Variants in LANCL2 observed in about 807,000 individuals in gnomAD.
LANCL2 encodes the protein lanC-like protein 2.
A neutral mutation model predicts 56.9 loss-of-function variants in LANCL2; 33 were observed. The ratio of observed to expected loss-of-function variants is 0.58; its 90% CI spans 0.44 to 0.78. LANCL2 has a LOEUF of 0.78. Ranked by LOEUF, LANCL2 falls within the 30% of genes least tolerant of loss-of-function variation. LANCL2 has a pLI of 0.00. For synonymous variants in LANCL2, 233 were observed against 228.2 expected (o/e 1.02, Z -0.19); for missense variants, 562 against 580.2 (o/e 0.97, Z 0.32).
intron 1 of LANCL2, among the ~76,000 whole-genome samples, chr7:55,387,491 G>A (rs1222008240): frequency 4.0e-5 from 6 of 151,704 alleles, no homozygotes; most frequent in Non-Finnish European, 8.8e-5. Flanking sequence ...CAGCAAACTG[G>A]GACACAGCAA....
At chr7:55,394,001 C>T (rs1441481824) in intron 2 of LANCL2, 1 of 152,116 alleles carries the variant, frequency 6.6e-6, no homozygotes, top group East Asian at 1.9e-4. Flanking sequence ...GTTTCTAAAC[C>T]CCTGATCGTT....
chr7:55,430,163 T>C (rs889031908), intron 8 of LANCL2, among the ~76,000 whole-genome samples: 1 of 152,258 alleles, frequency 6.6e-6, no homozygotes, highest in Non-Finnish European at 1.5e-5. Context: ...CCTAGGTCAG[T>C]GGTTTTCTAA....
intron 1 of LANCL2, among the ~76,000 whole-genome samples, chr7:55,377,795 A>T (rs1378748232): frequency 6.6e-6 from 1 of 152,256 alleles, no homozygotes; most frequent in Non-Finnish European, 1.5e-5. Flanking sequence ...AATCAATCTC[A>T]GAATCAAGAG....
At chr7:55,420,421 A>G (rs540398779) in intron 6 of LANCL2, among the ~76,000 whole-genome samples, 5 of 152,380 alleles carry the variant, frequency 3.3e-5, no homozygotes, top group Admixed American at 1.3e-4. Flanking sequence ...AGAACATATT[A>G]TGTACGATTT....
intron 5 of LANCL2, among the ~76,000 whole-genome samples, chr7:55,408,649 A>G (rs960070922): frequency 1.3e-5 from 2 of 151,906 alleles, no homozygotes; most frequent in African/African-American, 4.8e-5. Flanking sequence ...AGCCTGGGTA[A>G]CAGTATGAGA....
chr7:55,425,840 A>G (rs1790658416), intron 7 of LANCL2, among the ~76,000 whole-genome samples: 2 of 152,122 alleles, frequency 1.3e-5, no homozygotes, highest in African/African-American at 4.8e-5. Flanking sequence ...CGTCCTGCCA[A>G]AACCCTCCAC....
intron 1 of LANCL2, among the ~76,000 whole-genome samples, chr7:55,387,377 T>G (rs117274388): frequency 6.6e-6 from 1 of 152,276 alleles, no homozygotes; most frequent in Non-Finnish European, 1.5e-5. Context: ...TAGGCCACAA[T>G]AACAGAACTG....
At chr7:55,401,882 C>T (rs1293210888) in intron 5 of LANCL2, among the ~76,000 whole-genome samples, 9 of 125,732 alleles carry the variant, frequency 7.2e-5, no homozygotes, top group Admixed American at 4.6e-4. Context: ...CAACAGGATC[C>T]CAAGGCAGAA....
intron 1 of LANCL2, among the ~76,000 whole-genome samples, chr7:55,390,993 A>C (rs999854497): frequency 6.7e-6 from 1 of 148,886 alleles, no homozygotes; most frequent in African/African-American, 2.5e-5. Flanking sequence ...TTTGCATTTC[A>C]TTAGTTACTG....
At chr7:55,401,465 A>G (rs1443344735) in intron 5 of LANCL2, 145 bp downstream of exon 5, 5 of 429,540 alleles carry the variant, frequency 1.2e-5, no homozygotes, top group Admixed American at 1.1e-4. Flanking sequence ...AACCACAGGC[A>G]GTGGATTTCT....
At chr7:55,402,526 G>A (rs1484067777) in intron 5 of LANCL2, among the ~76,000 whole-genome samples, 9 of 126,930 alleles carry the variant, frequency 7.1e-5, no homozygotes, top group Admixed American at 1.5e-4. Context: ...CCCACCTCCC[G>A]GATGGGGCGG....
At chr7:55,392,257 C>T (rs751524808) in intron 2 of LANCL2, among the ~76,000 whole-genome samples, 2 of 151,856 alleles carry the variant, frequency 1.3e-5, no homozygotes, top group Non-Finnish European at 2.9e-5. Context: ...TGTGCCACTG[C>T]ACTCCAGCCT....
intron 6 of LANCL2, 140 bp downstream of exon 6, chr7:55,412,229 CTG>C (rs1790479408): frequency 1.3e-6 from 1 of 744,776 alleles, no homozygotes; most frequent in East Asian, 2.7e-5. Context: ...AATAAAGTCT[CTG>C]TATTTTACCA....
Position 55,365,936 on chromosome 7 carries a change from G to C in LANCL2, c.-90G>C. On this transcript the variant is annotated 5_prime_UTR_variant, in exon 1 of 9. Transcript: ENST00000254770. ...TCGCTCCTCCTAGAGGACGCTCTCTGCGCGGGCCCTCGGAGGAGGCGGCGG... is the reference window on the plus strand; with the variant it reads ...TCGCTCCTCCTAGAGGACGCTCTCTCCGCGGGCCCTCGGAGGAGGCGGCGG... The C allele has an allele frequency of 6.5e-6, 7 of 1,073,128 alleles. No individual in the cohort carries two copies. Among genetic ancestry groups the C allele is most frequent in the Non-Finnish European group, 6.4e-6 (5 of 786,062 alleles). The allele number at this position is 1,073,128 out of a possible 1,614,324, so 66.5% of individuals were successfully genotyped here.
rs1412098582 is a variant in LANCL2, at chr7:55,366,069, G to A, written c.44G>A (p.Gly15Glu). The change falls in exon 1 of 9, where the codon GGG (glycine) becomes GAG (glutamate). Residue 15 changes from glycine to glutamate, a missense_variant. Gly to Glu is a moderately conservative substitution (Grantham distance 98). This residue lies in a region of LANCL2 where 184 missense variants were observed against 111.8 expected (regional missense o/e 1.65). Coordinates refer to ENST00000254770, the MANE Select transcript of LANCL2 (RefSeq NM_018697.4). ...AAGAGGCTGAAGCTCCACCTGGGAG[G>A]GGAGGCAGAAATGGAGGAACGGGCG... ...MSKRLKLHLG[G>E]EAEMEERAFV... The A allele has an allele frequency of 7.8e-6, 12 of 1,528,786 alleles. No homozygotes were observed. The highest frequency in any genetic ancestry group is 1.1e-5 in the Non-Finnish European group (12 of 1,133,862). The allele number at this position is 1,528,786 out of a possible 1,614,324, so 94.7% of individuals were successfully genotyped here.
chr7:55,403,058 A>G (rs1241956691), intron 5 of LANCL2, among the ~76,000 whole-genome samples: 11 of 152,054 alleles, frequency 7.2e-5, no homozygotes, highest in South Asian at 2.1e-4. Context: ...AGAGGCTGCA[A>G]TCTCGGCACT....
chr7:55,371,318 A>G (rs1789941335), intron 1 of LANCL2, among the ~76,000 whole-genome samples: 1 of 152,000 alleles, frequency 6.6e-6, no homozygotes, highest in African/African-American at 2.4e-5. Flanking sequence ...CTCCCTCCCG[A>G]GCTCAAATTA....
At chr7:55,370,521 G>A (rs1347478964) in intron 1 of LANCL2, among the ~76,000 whole-genome samples, 1 of 152,190 alleles carries the variant, frequency 6.6e-6, no homozygotes, top group Non-Finnish European at 1.5e-5. Context: ...AAATTGCTGT[G>A]ATACTGCACC....
chr7:55,428,651 G>A (rs1458818055), intron 8 of LANCL2, among the ~76,000 whole-genome samples: 2 of 152,148 alleles, frequency 1.3e-5, no homozygotes, highest in Non-Finnish European at 2.9e-5. Flanking sequence ...TGTCTTCCAA[G>A]TGTTCTTAGG....
Sources: gnomAD v4.1 joint callset for allele counts (sites outside exome capture counted in the v4.1 genomes callset) on GRCh38, gnomAD v4.1.1 for gene constraint, gnomAD v4.1.1 regional missense constraint, MANE v1.5 for transcripts, NCBI Gene and HGNC (gene_info 2026-07-23, HGNC 2026-07-21) for gene names.